ASAH1: variants seen among roughly 807,000 people sequenced by gnomAD.
ASAH1 encodes acid ceramidase.
ASAH1 carries 70 observed loss-of-function variants against 59.5 expected under a neutral mutation model. The observed-to-expected ratio is 1.18, with a 90% CI of 0.97 to 1.43. The LOEUF is 1.43. ASAH1 is among the 40% of genes most tolerant of loss of function. The pLI is 0.00. For missense variants in ASAH1, 660 were observed against 482.5 expected (o/e 1.37, Z -3.45); for synonymous variants, 213 against 166.5 (o/e 1.28, Z -2.15).
At chr8:18,067,522 C>A in intron 4 of ASAH1, 1 of 204,784 alleles carries the variant, frequency 4.9e-6, no homozygotes. Context: ...TATTGGGCCC[C>A]TATACAGAGA....
chr8:18,059,086 C>T (rs112039896), intron 12 of ASAH1, 195 bp from the exon 13 acceptor site: 3 of 583,194 alleles, frequency 5.1e-6, no homozygotes, highest in African/African-American at 4.9e-5. Flanking sequence ...CTCTCTCCTT[C>T]CCCTTTTTTA....
rs141371604 is a variant in ASAH1, at chr8:18,075,627, T to C, written c.79-40A>G. 1.1e-3 allele frequency: 1,684 copies of C among 1,597,698 alleles called. 44 individuals are homozygous for C. In the East Asian group the frequency reaches 0.031, roughly 30 times the overall value. ...AAATTAAGTTTCAGAAAATAACAAA[T>C]GCTTGCCAACGGAATAAGCAATTTC... On this transcript the variant is annotated intron_variant, in intron 1 of 13. Coordinates refer to ENST00000637790, the MANE Select transcript of ASAH1 (RefSeq NM_177924.5).
rs1800633859 is a variant in ASAH1 at position 18,081,120 on chromosome 8, T to A, written c.78+2861A>T. On this transcript the variant is annotated intron_variant, in intron 1 of 13. Transcript: ENST00000637790. Reference sequence around the variant, plus strand: ...CCCAAATGAAAACGATCCTCATTCTTTAGCCCCCAAGCTTTCCCCTCCCCA... The same window carrying A: ...CCCAAATGAAAACGATCCTCATTCTATAGCCCCCAAGCTTTCCCCTCCCCA... Among the ~76,000 whole-genome samples the A allele has an allele frequency of 2.0e-5, 3 of 152,254 alleles. No individual in the cohort carries two copies. The South Asian group carries it at 6.2e-4, about 32-fold the overall frequency.
At chr8:18,074,733 T>A (rs181454170) in intron 2 of ASAH1, among the ~76,000 whole-genome samples, 1 of 152,228 alleles carries the variant, frequency 6.6e-6, no homozygotes, top group African/African-American at 2.4e-5. Flanking sequence ...AAAATATTAA[T>A]GTTAAACACA....
intron 1 of ASAH1, chr8:18,083,543 C>T (rs915443977): frequency 4.8e-5 from 12 of 247,710 alleles, no homozygotes; most frequent in Non-Finnish European, 9.6e-5. Context: ...TTTCCCACGG[C>T]CCTGCAGTAT....
chr8:18,071,404 T>G lies in ASAH1; in HGVS notation c.126-14A>C. 2 of 1,516,408 alleles carry G rather than the reference T, an allele frequency of 1.3e-6. No homozygotes were observed. The highest frequency in any genetic ancestry group is 1.8e-6 in the Non-Finnish European group (2 of 1,098,084). 93.9% of individuals were successfully genotyped at this position (1,516,408 alleles called of 1,614,324 possible). On this transcript the variant is annotated splice_polypyrimidine_tract_variant and intron_variant, in intron 2 of 13. Coordinates refer to ENST00000637790, the MANE Select transcript of ASAH1 (RefSeq NM_177924.5). ...GCACCTCTGTACCTGTAATGAGAGG[T>G]GTATCATCTTGAAATGATGAAAGGG...
rs893117407 is a variant in ASAH1 at position 18,082,285 on chromosome 8, G to C, written c.78+1696C>G. 2.0e-5 allele frequency among the ~76,000 whole-genome samples: 3 copies of C among 152,080 alleles called. No homozygotes were observed. The East Asian group carries it at 5.8e-4, about 29-fold the overall frequency. The stretch of plus-strand genomic sequence containing the variant: ...AAATACTTTTGCTAGAATAAATAAA[G>C]CTATTGAGAAAGAAGAAAAAACAGC... On this transcript the variant is annotated intron_variant, in intron 1 of 13. Coordinates refer to ENST00000637790, the MANE Select transcript of ASAH1 (RefSeq NM_177924.5).
rs758659162 is a variant in ASAH1 at position 18,084,059 on chromosome 8, C to A, written c.-1G>T. 2 of 1,598,500 alleles carry A rather than the reference C, an allele frequency of 1.3e-6. No homozygotes were observed. Among genetic ancestry groups the A allele is most frequent in the Non-Finnish European group, 1.7e-6 (2 of 1,179,666 alleles). The stretch of plus-strand genomic sequence containing the variant: ...AGGCGACGCAACTCCGGCCCGGCAT[C>A]GCTCTAGCAGCCAACGCCACTCCCC... On this transcript the variant is annotated 5_prime_UTR_variant, in exon 1 of 14. Transcript: ENST00000637790.
chr8:18,084,252 T>A, upstream of ASAH1: 1 of 1,459,016 alleles, frequency 6.9e-7, no homozygotes, highest in Non-Finnish European at 9.0e-7. Context: ...ACGAAAAGGG[T>A]GGCGTAGAGA....
intron 1 of ASAH1, chr8:18,082,389 G>A (rs1015758024): frequency 5.3e-5 from 8 of 152,108 alleles, no homozygotes; most frequent in African/African-American, 1.4e-4. Flanking sequence ...TCACAGCCAG[G>A]TAAGCTCTGT....
rs528328991 is a variant in ASAH1 at position 18,069,567 on chromosome 8, T to A, written c.303+225A>T. 3.1e-4 allele frequency: 145 copies of A among 473,472 alleles called. 3 individuals carry two copies. In the East Asian group the frequency reaches 3.4e-3, roughly 11 times the overall value. 29.3% of individuals were successfully genotyped at this position (473,472 alleles called of 1,614,324 possible). The stretch of plus-strand genomic sequence containing the variant: ...ATGAAATATGGTTATTTGCCCAATG[T>A]CGTAATGTAGTCCCATCCCCTTTTA... On this transcript the variant is annotated intron_variant, in intron 4 of 13. Transcript: ENST00000637790.
At chr8:18,065,884 G>T (rs981671873) in intron 5 of ASAH1, 5 of 134,116 alleles carry the variant, frequency 3.7e-5, no homozygotes, top group Admixed American at 7.1e-5. Flanking sequence ...GATACACATT[G>T]TGTGTGTGTG....
intron 7 of ASAH1, 106 bp from the exon 8 acceptor site, chr8:18,062,529 C>T (rs1799750163): frequency 3.2e-6 from 4 of 1,231,654 alleles, no homozygotes; most frequent in East Asian, 2.3e-5. Flanking sequence ...TACCGAGTCA[C>T]CACGATCAAT....
chr8:18,066,955 T>A, intron 5 of ASAH1: 1 of 401,466 alleles, frequency 2.5e-6, no homozygotes, highest in Non-Finnish European at 4.4e-6. Flanking sequence ...ATCAGAATAG[T>A]GTTTACTGGA....
intron 8 of ASAH1, 35 bp downstream of exon 8, chr8:18,062,244 C>G: frequency 1.9e-6 from 3 of 1,613,702 alleles, no homozygotes; most frequent in Non-Finnish European, 2.5e-6. Flanking sequence ...GGACAGAAGG[C>G]TACCTGTATA....
chr8:18,063,429 A>C, intron 6 of ASAH1, 199 bp from the exon 7 acceptor site: 1 of 578,050 alleles, frequency 1.7e-6, no homozygotes, highest in Non-Finnish European at 3.1e-6. Context: ...TCAGCCTTCC[A>C]CGTAGTTGGG....
At position 18,084,028 on chromosome 8, in the gene ASAH1, G is replaced by A. The variant is rs1479200985; in HGVS notation, c.31C>T (p.Leu11Phe). MPGRSCVALV[L>F]LAAAVSCAVA... ...GCACAGCTGACGGCGGCAGCCAGGA[G>A]GACTAAGGCGACGCAACTCCGGCCC... Residue 11 changes from leucine (L) to phenylalanine (F), a missense_variant, in exon 1 of 14, where the codon CTC (leucine) becomes TTC (phenylalanine). By Grantham distance (22) the Leu-to-Phe change is conservative. Coordinates refer to ENST00000637790, the MANE Select transcript of ASAH1 (RefSeq NM_177924.5). The A allele has an allele frequency of 9.4e-6, 15 of 1,598,622 alleles. No homozygotes were observed. The highest frequency in any genetic ancestry group is 1.3e-5 in the African/African-American group (1 of 74,924).
In ASAH1 at chr8:18,078,199, C is replaced by G. The variant is rs539127126; in HGVS notation, c.79-2612G>C. 8.5e-5 allele frequency among the ~76,000 whole-genome samples: 13 copies of G among 152,296 alleles called. No homozygotes were observed. In the East Asian group the frequency reaches 2.3e-3, roughly 27 times the overall value. On this transcript the variant is annotated intron_variant, in intron 1 of 13. Transcript: ENST00000637790. ...CCTTCCTAATAATGACATTTGCACG[C>G]CCTGGGTTCCAAAGCCAAAATAAAC...
At chr8:18,084,695 CT>C, upstream of ASAH1, 1 of 1,613,202 alleles carries the variant, frequency 6.2e-7, no homozygotes. Flanking sequence ...CACAGCAAAG[CT>C]GCCAAATCCC....
Sources: gnomAD v4.1 joint callset for allele counts (sites outside exome capture counted in the v4.1 genomes callset) on GRCh38, gnomAD v4.1.1 for gene constraint, MANE v1.5 for transcripts, NCBI Gene and HGNC (gene_info 2026-07-23, HGNC 2026-07-21) for gene names.